USP54: variants seen among roughly 807,000 people sequenced by gnomAD.
The protein encoded by USP54 is ubiquitin carboxyl-terminal hydrolase 54.
A neutral mutation model predicts 170.5 loss-of-function variants in USP54; 87 were observed. The observed-to-expected ratio is 0.51, with a 90% CI of 0.43 to 0.61. The LOEUF is 0.61. USP54 is among the 20% of genes least tolerant of loss of function. The probability of loss-of-function intolerance (pLI) is 0.00; values close to 1 mark genes in which losing one functional copy is unlikely to be tolerated. For missense variants in USP54, 1,786 were observed against 2,047.8 expected (o/e 0.87, Z 2.47); for synonymous variants, 655 against 742.8 (o/e 0.88, Z 1.92).
In USP54 at chr10:73,531,717, A is replaced by G. The variant is rs960403726; in HGVS notation, c.1316-882T>C. On this transcript the variant is annotated intron_variant, in intron 12 of 23. Transcript: ENST00000687698. ...CCTATCCCCAACCCATCTTCACGAA[A>G]CTTGGCTCCATCCAGAGATTACACT... 9.8e-5 allele frequency among the ~76,000 whole-genome samples: 15 copies of G among 152,336 alleles called. No individual in the cohort carries two copies. The Middle Eastern group carries it at 0.014, about 138-fold the overall frequency.
chr10:73,573,842 T>C (rs1334147392), intron 3 of USP54, among the ~76,000 whole-genome samples: 9 of 152,220 alleles, frequency 5.9e-5, no homozygotes, highest in Non-Finnish European at 1.2e-4. Context: ...TCTTGTATTA[T>C]GAATGAGGAA....
intron 1 of USP54, among the ~76,000 whole-genome samples, chr10:73,589,205 T>C (rs1156907217): frequency 1.3e-5 from 2 of 152,244 alleles, no homozygotes; most frequent in Admixed American, 6.5e-5. Context: ...TTTTTCCGTT[T>C]AGAGATAACT....
intron 1 of USP54, among the ~76,000 whole-genome samples, chr10:73,601,320 G>C (rs2079146528): frequency 2.0e-5 from 3 of 152,208 alleles, no homozygotes; most frequent in African/African-American, 7.2e-5. Context: ...AAACAAAATT[G>C]TTAAGTCATG....
At chr10:73,578,400 GGTTTTGTTTT>G (rs530651497) in intron 1 of USP54, among the ~76,000 whole-genome samples, 49 of 152,012 alleles carry the variant, frequency 3.2e-4, no homozygotes, top group Middle Eastern at 6.8e-3. Context: ...TTGTTTTTTG[GGTTTTGTTTT>G]GTTTTGTTTT....
chr10:73,552,146 G>A (rs964150466), intron 4 of USP54, among the ~76,000 whole-genome samples: 15 of 152,182 alleles, frequency 9.9e-5, no homozygotes, highest in South Asian at 8.3e-4. Flanking sequence ...ATATGATCTC[G>A]GGTAAATTAT....
intron 1 of USP54, among the ~76,000 whole-genome samples, chr10:73,588,380 C>G (rs1004820575): frequency 6.6e-6 from 1 of 152,128 alleles, no homozygotes; most frequent in Non-Finnish European, 1.5e-5. Flanking sequence ...TGTGCCACCA[C>G]GCCCAGCTAA....
chr10:73,568,344 C>T (rs2074306348), intron 4 of USP54, among the ~76,000 whole-genome samples: 1 of 152,180 alleles, frequency 6.6e-6, no homozygotes, highest in South Asian at 2.1e-4. Flanking sequence ...TGAAGCTCTC[C>T]ATCCTGGATG....
At chr10:73,544,006 G>T (rs1228634357) in intron 5 of USP54, among the ~76,000 whole-genome samples, 1 of 150,552 alleles carries the variant, frequency 6.6e-6, no homozygotes, top group African/African-American at 2.4e-5. Context: ...ACAGTAGAGC[G>T]ATCTCGGCTC....
intron 22 of USP54, among the ~76,000 whole-genome samples, chr10:73,501,351 T>A (rs2058072916): frequency 6.6e-6 from 1 of 152,230 alleles, no homozygotes; most frequent in Non-Finnish European, 1.5e-5. Context: ...TATTTACTGA[T>A]GCTAATGTCC....
At chr10:73,547,362 CTGCACTCCAGCCCGAACTACT>C (rs2068080061) in intron 4 of USP54, among the ~76,000 whole-genome samples, 1 of 152,160 alleles carries the variant, frequency 6.6e-6, no homozygotes, top group Non-Finnish European at 1.5e-5. Flanking sequence ...GATCATGCCA[CTGCACTCCAGCCCGAACTACT>C]TTAAAGTTCA....
Position 73,523,660 on chromosome 10 carries a change from T to C in USP54, c.2285A>G (p.Glu762Gly), listed in dbSNP as rs1421398151. The change falls in exon 17 of 24, where the codon GAG (glutamate) becomes GGG (glycine). Residue 762 changes from glutamate to glycine, a missense_variant. Glu to Gly is a moderately conservative substitution (Grantham distance 98, BLOSUM62 -2). Transcript: ENST00000687698. Reference protein sequence around the residue: ...AQEQELRRKREKELEAAKGFN... With the variant: ...AQEQELRRKRGKELEAAKGFN... The stretch of plus-strand genomic sequence containing the variant: ...CCCTTTCGCTGCCTCTAACTCCTTC[T>C]CCCGTTTTCTTCGAAGTTCCTGTTC... 2 of 1,613,930 alleles carry C rather than the reference T, an allele frequency of 1.2e-6. No homozygotes were observed. Among genetic ancestry groups the C allele is most frequent in the Non-Finnish European group, 8.5e-7 (1 of 1,179,882 alleles).
intron 22 of USP54, among the ~76,000 whole-genome samples, chr10:73,502,141 T>G (rs1018747384): frequency 1.3e-5 from 2 of 152,238 alleles, no homozygotes; most frequent in African/African-American, 4.8e-5. Flanking sequence ...TATGCCAGTA[T>G]GTCTAATTTC....
chr10:73,625,953 T>A (rs1203545623), upstream of USP54: 2 of 144,432 alleles, frequency 1.4e-5, no homozygotes, highest in Non-Finnish European at 3.0e-5. Context: ...TGGCGCCGCA[T>A]ACTTAACCGC....
intron 4 of USP54, among the ~76,000 whole-genome samples, chr10:73,560,993 T>C (rs1269174227): frequency 6.7e-6 from 1 of 149,282 alleles, no homozygotes; most frequent in East Asian, 2.0e-4. Flanking sequence ...TAATCCCAGC[T>C]ACTCAGGAGT....
At chr10:73,597,128 C>T (rs2078797661) in intron 1 of USP54, among the ~76,000 whole-genome samples, 1 of 152,198 alleles carries the variant, frequency 6.6e-6, no homozygotes, top group Admixed American at 6.5e-5. Context: ...CCTGTTGCTT[C>T]TAACTTCCAA....
chr10:73,560,032 G>A (rs1209566193), intron 4 of USP54, among the ~76,000 whole-genome samples: 2 of 150,338 alleles, frequency 1.3e-5, no homozygotes, highest in African/African-American at 2.5e-5. Flanking sequence ...GTGACAAAGC[G>A]ACCCCATTTC....
intron 20 of USP54, 42 bp downstream of exon 20, chr10:73,516,333 A>G (rs201719121): frequency 1.1e-4 from 167 of 1,558,306 alleles, no homozygotes; most frequent in Non-Finnish European, 1.4e-4. Flanking sequence ...CAGCTTTTAT[A>G]TGATCCTCCC....
chr10:73,623,054 C>T (rs934817819), intron 1 of USP54, among the ~76,000 whole-genome samples: 4 of 152,210 alleles, frequency 2.6e-5, no homozygotes, highest in African/African-American at 9.6e-5. Context: ...TAAGGCAGCA[C>T]AGTTTAGTTT....
intron 22 of USP54, among the ~76,000 whole-genome samples, chr10:73,501,923 T>G (rs1350640738): frequency 6.6e-6 from 1 of 152,166 alleles, no homozygotes; most frequent in Non-Finnish European, 1.5e-5. Flanking sequence ...CTATCAGGAA[T>G]AGCCCTCAAA....
Sources: gnomAD v4.1 joint callset for allele counts (sites outside exome capture counted in the v4.1 genomes callset) on GRCh38, gnomAD v4.1.1 for gene constraint, MANE v1.5 for transcripts, NCBI Gene and HGNC (gene_info 2026-07-23, HGNC 2026-07-21) for gene names.